The following NCF2 variants were observed in gnomAD, a reference collection of about 807,000 sequenced individuals.
NCF2 encodes the protein neutrophil cytosolic factor 2.
A neutral mutation model predicts 70.9 loss-of-function variants in NCF2; 45 were observed. The observed-to-expected ratio is 0.63, with a 90% confidence interval of 0.50 to 0.81. NCF2 has a LOEUF of 0.81. Ranked by LOEUF, NCF2 falls within the 40% of genes least tolerant of loss-of-function variation. NCF2 has a pLI of 0.00. For synonymous variants in NCF2, 203 were observed against 233.6 expected (o/e 0.87, Z 1.19); for missense variants, 522 against 631.6 (o/e 0.83, Z 1.86).
At chr1:183,568,035 C>A (rs557958791) in intron 7 of NCF2, among the ~76,000 whole-genome samples, 8 of 152,214 alleles carry the variant, frequency 5.3e-5, no homozygotes, top group Non-Finnish European at 5.9e-5. Flanking sequence ...TGTTACTTTC[C>A]CCTCGGCCCA....
chr1:183,598,029 G>A, the NCF2 span: 561 of 152,420 alleles, frequency 3.7e-3, 3 homozygotes, highest in Middle Eastern at 0.014. Context: ...ACTGAGAGGT[G>A]TATAAACCTA....
chr1:183,563,754 G>T lies in NCF2; in HGVS notation c.1027-169C>A. 4 of 874,612 alleles carry T rather than the reference G, an allele frequency of 4.6e-6. No individual in the cohort carries two copies. The Admixed American group carries it at 6.6e-5, about 14-fold the overall frequency. The allele number at this position is 874,612 out of a possible 1,614,324, so 54.2% of individuals were successfully genotyped here. A position where few individuals can be genotyped will look rare whatever the true frequency, so the allele number is the denominator to read the frequency against. On this transcript the variant is annotated intron_variant, in intron 11 of 14. Transcript: ENST00000367535. ...CTAAAAGGCCTTCAGAGGTCCTTTA[G>T]CCCAACCCTTGCTTGGACAGGAATT...
the NCF2 span, among the ~76,000 whole-genome samples, chr1:183,597,137 G>A: frequency 1.3e-5 from 2 of 152,178 alleles, no homozygotes; most frequent in African/African-American, 4.8e-5. Context: ...CATATCTTAG[G>A]AACTTTCCCT....
upstream of NCF2, among the ~76,000 whole-genome samples, chr1:183,592,643 T>C (rs1287938701): frequency 2.6e-5 from 4 of 152,258 alleles, no homozygotes; most frequent in South Asian, 4.1e-4. Context: ...CTATTCCATC[T>C]AGTGAATAAA....
chr1:183,566,931 G>A lies in NCF2; in HGVS notation c.913C>T (p.Gln305Ter). 6.2e-7 allele frequency: 1 copy of A among 1,614,080 alleles called. No individual in the cohort carries two copies. Among genetic ancestry groups the A allele is most frequent in the East Asian group, 2.2e-5 (1 of 44,886 alleles). ...EPVELRIHPQ[Q>*]QPQEESSPQS... ...TGGCATCACATTACCTGGGGCTGCT[G>A]CTGAGGGTGGATCCGCAGCTCAACT... Residue 305 changes from glutamine to a stop codon, truncating the protein, a stop_gained, in exon 9 of 15, where the codon CAG becomes TAG. Coordinates refer to ENST00000367535, the MANE Select transcript of NCF2 (RefSeq NM_000433.4). LOFTEE classifies it high-confidence loss of function.
chr1:183,555,929 C>G lies in NCF2; in HGVS notation c.*189G>C, dbSNP rs1221383928. On this transcript the variant is annotated 3_prime_UTR_variant, in exon 15 of 15. Transcript: ENST00000367535. Reference sequence around the variant, plus strand: ...CCATTCACCTGTCCCCATCTCCTCACCCACTGTGCCCCAGGAAATCATCCT... The same window carrying G: ...CCATTCACCTGTCCCCATCTCCTCAGCCACTGTGCCCCAGGAAATCATCCT... The G allele has an allele frequency of 4.7e-6, 3 of 641,138 alleles. No individual in the cohort carries two copies. Among genetic ancestry groups the G allele is most frequent in the Non-Finnish European group, 8.4e-6 (3 of 356,762 alleles). The allele number at this position is 641,138 out of a possible 1,614,324, so 39.7% of individuals were successfully genotyped here.
At chr1:183,557,881 A>AT (rs796710510) in intron 14 of NCF2, among the ~76,000 whole-genome samples, 2,457 of 146,858 alleles carry the variant, frequency 0.017, 57 homozygotes, top group African/African-American at 0.053. Flanking sequence ...TACTACTCAT[A>AT]TTTTTTTTTT....
rs1332359014 is a variant in NCF2 at position 183,555,717 on chromosome 1, A to ATGATGAT, written c.*400_*401insATCATCA. The ATGATGAT allele has an allele frequency of 5.7e-5, 12 of 211,110 alleles. No homozygotes were observed. In the South Asian group the frequency reaches 7.3e-4, roughly 13 times the overall value. The allele number at this position is 211,110 out of a possible 1,614,324, so 13.1% of individuals were successfully genotyped here. On this transcript the variant is annotated 3_prime_UTR_variant, in exon 15 of 15. Coordinates refer to ENST00000367535, the MANE Select transcript of NCF2 (RefSeq NM_000433.4). ...GACTTGGGTGTCTTGTTTTTGTAAG[A>ATGATGAT]TGCTAGGTTTTTTTTTATTGTGGTA...
intron 14 of NCF2, among the ~76,000 whole-genome samples, chr1:183,558,761 C>T (rs1472450771): frequency 3.3e-5 from 5 of 151,458 alleles, no homozygotes; most frequent in Non-Finnish European, 7.4e-5. Context: ...GATGGGGTTT[C>T]ACCATGTTGG....
At chr1:183,596,629 G>T in the NCF2 span, among the ~76,000 whole-genome samples, 1 of 148,990 alleles carries the variant, frequency 6.7e-6, no homozygotes, top group Non-Finnish European at 1.5e-5. Flanking sequence ...ACTAAAAATA[G>T]TACTCAGGAG....
intron 5 of NCF2, among the ~76,000 whole-genome samples, chr1:183,572,553 T>C (rs909935800): frequency 2.6e-5 from 4 of 152,220 alleles, no homozygotes; most frequent in African/African-American, 9.6e-5. Flanking sequence ...GGGGAAAGAC[T>C]CCTCAGCCCA....
At chr1:183,557,708 A>C (rs1234719663) in intron 14 of NCF2, among the ~76,000 whole-genome samples, 1 of 152,176 alleles carries the variant, frequency 6.6e-6, no homozygotes, top group African/African-American at 2.4e-5. Flanking sequence ...AGGTTGTTTT[A>C]GTGTGTTCTT....
At chr1:183,589,525 A>G (rs1673539505) in intron 1 of NCF2, among the ~76,000 whole-genome samples, 1 of 152,222 alleles carries the variant, frequency 6.6e-6, no homozygotes. Context: ...GCTTAACTCC[A>G]TACTATGGTA....
At chr1:183,573,676 T>C (rs1672671707) in intron 4 of NCF2, among the ~76,000 whole-genome samples, 1 of 152,190 alleles carries the variant, frequency 6.6e-6, no homozygotes, top group Non-Finnish European at 1.5e-5. Flanking sequence ...CTGATGAGGA[T>C]AGACATATAA....
the NCF2 span, among the ~76,000 whole-genome samples, chr1:183,601,016 A>AT: frequency 2.0e-5 from 3 of 152,204 alleles, no homozygotes; most frequent in African/African-American, 7.2e-5. Flanking sequence ...TAGTTCCTTA[A>AT]TTTTTTTGGA....
intron 11 of NCF2, 61 bp downstream of exon 11, chr1:183,563,944 G>A: frequency 6.6e-7 from 1 of 1,521,504 alleles, no homozygotes. Context: ...CATGTCTGTG[G>A]TTGATAGCCC....
At chr1:183,576,214 T>C (rs1196044353) in intron 3 of NCF2, among the ~76,000 whole-genome samples, 4 of 152,178 alleles carry the variant, frequency 2.6e-5, no homozygotes, top group Non-Finnish European at 5.9e-5. Context: ...AAGAGGGCCT[T>C]AGACCCTGAA....
chr1:183,599,521 TTCTC>T, the NCF2 span, among the ~76,000 whole-genome samples: 34 of 150,264 alleles, frequency 2.3e-4, no homozygotes, highest in African/African-American at 3.2e-4. Flanking sequence ...CCTTCCTTCT[TTCTC>T]TCTCTTTCTT....
At chr1:183,570,117 G>A (rs528277062) in intron 6 of NCF2, among the ~76,000 whole-genome samples, 19 of 152,306 alleles carry the variant, frequency 1.2e-4, no homozygotes, top group Middle Eastern at 3.4e-3. Flanking sequence ...TCAGAAAACC[G>A]CCCTCTGCTA....
Sources: gnomAD v4.1 joint callset for allele counts (sites outside exome capture counted in the v4.1 genomes callset) on GRCh38, gnomAD v4.1.1 for gene constraint, MANE v1.5 for transcripts, NCBI Gene and HGNC (gene_info 2026-07-23, HGNC 2026-07-21) for gene names.